The following KSR2 variants were observed in gnomAD, a reference collection of about 807,000 sequenced individuals.
The protein encoded by KSR2 is kinase suppressor of ras 2.
In KSR2, 25 loss-of-function variants were observed where a neutral mutation model predicts 107.8. The ratio of observed to expected loss-of-function variants is 0.23; its 90% CI spans 0.17 to 0.32. The LOEUF is 0.32. KSR2 is among the 10% of genes least tolerant of loss of function. The probability of loss-of-function intolerance (pLI) is 1.00; values close to 1 mark genes in which losing one functional copy is unlikely to be tolerated. For missense variants in KSR2, 887 were observed against 1,268.9 expected, an observed-to-expected ratio of 0.70 and a Z score of 4.57; for synonymous variants, 480 against 507.0, an observed-to-expected ratio of 0.95 and a Z score of 0.71.
Position 117,846,292 on chromosome 12 carries a change from A to ATT in KSR2, c.472+9134_472+9135dup, listed in dbSNP as rs35755364. Among the ~76,000 whole-genome samples the ATT allele has an allele frequency of 5.8e-3, 743 of 127,496 alleles. 11 individuals are homozygous for ATT. The highest frequency in any genetic ancestry group is 0.018 in the African/African-American group (612 of 33,736). 83.6% of individuals were successfully genotyped at this position (127,496 alleles called of 152,430 possible). ...CTTGCATAAAACCTATTACCATTTG[A>ATT]TTTTTTTTTTTTTTTTTTTGAGACA... On this transcript the variant is annotated intron_variant, in intron 3 of 19. Coordinates refer to ENST00000339824, the MANE Select transcript of KSR2 (RefSeq NM_173598.6).
chr12:117,757,932 T>TA (rs909040219), intron 4 of KSR2, among the ~76,000 whole-genome samples: 4 of 152,180 alleles, frequency 2.6e-5, no homozygotes, highest in African/African-American at 9.7e-5. Flanking sequence ...TGCCTGTACT[T>TA]ACTGAAAACA....
intron 4 of KSR2, among the ~76,000 whole-genome samples, chr12:117,669,836 C>T (rs553085484): frequency 2.6e-5 from 4 of 151,916 alleles, no homozygotes; most frequent in African/African-American, 9.7e-5. Context: ...CCACTGCACT[C>T]CAGCCTGGGT....
intron 3 of KSR2, among the ~76,000 whole-genome samples, chr12:117,794,595 A>G (rs200451618): frequency 0.02 from 3,005 of 150,166 alleles, 30 homozygotes; most frequent in East Asian, 0.029. Flanking sequence ...CAACATGCAC[A>G]CTCACACCAA....
chr12:117,516,300 C>T (rs1191529558), intron 14 of KSR2, among the ~76,000 whole-genome samples: 2 of 152,144 alleles, frequency 1.3e-5, no homozygotes, highest in Non-Finnish European at 2.9e-5. Flanking sequence ...CTCGAGATCT[C>T]CCTCTGGATG....
chr12:117,830,573 A>C (rs951104778), intron 3 of KSR2, among the ~76,000 whole-genome samples: 1 of 152,160 alleles, frequency 6.6e-6, no homozygotes, highest in Non-Finnish European at 1.5e-5. Flanking sequence ...GAAAAGGAAC[A>C]CTGAAAAGGA....
At chr12:117,767,839 GA>G (rs1889298816) in intron 3 of KSR2, among the ~76,000 whole-genome samples, 1 of 151,532 alleles carries the variant, frequency 6.6e-6, no homozygotes, top group African/African-American at 2.4e-5. Flanking sequence ...GTGAAGGGAG[GA>G]CTTCCCAGGG....
chr12:117,838,430 G>A (rs976114246), intron 3 of KSR2, among the ~76,000 whole-genome samples: 4 of 152,204 alleles, frequency 2.6e-5, no homozygotes, highest in African/African-American at 9.6e-5. Context: ...GCCTCCCAAA[G>A]TGCTGGGATT....
chr12:117,595,642 C>T (rs1322384542), intron 5 of KSR2, among the ~76,000 whole-genome samples: 2 of 152,182 alleles, frequency 1.3e-5, no homozygotes, highest in African/African-American at 2.4e-5. Flanking sequence ...GGATTACAGG[C>T]GTGAGCCACC....
intron 9 of KSR2, among the ~76,000 whole-genome samples, chr12:117,550,367 G>A (rs570887945): frequency 7.2e-5 from 11 of 152,286 alleles, no homozygotes; most frequent in East Asian, 1.9e-4. Context: ...TGGACATGGC[G>A]GTGATGGTCA....
rs148157559 is a variant in KSR2, at chr12:117,957,864, C to A, written c.180+10212G>T. ...TTTTTTTTTTTTAAACTGAGTCTCA[C>A]TCTGTTGCCCAGGCTGGAGTACAGT... On this transcript the variant is annotated intron_variant, in intron 1 of 19. Transcript: ENST00000339824. Among the ~76,000 whole-genome samples, 484 of 148,682 alleles carry A rather than the reference C, an allele frequency of 3.3e-3. 2 individuals are homozygous for A. The highest frequency in any genetic ancestry group is 0.012 in the African/African-American group (464 of 40,302).
chr12:117,843,929 CT>C (rs58326707), intron 3 of KSR2, among the ~76,000 whole-genome samples: 2,805 of 127,492 alleles, frequency 0.022, 21 homozygotes, highest in African/African-American at 0.025. Context: ...TTAAGCTTCC[CT>C]TTTTTTTTTT....
At chr12:117,681,803 C>T (rs1472841311) in intron 4 of KSR2, among the ~76,000 whole-genome samples, 2 of 152,116 alleles carry the variant, frequency 1.3e-5, no homozygotes, top group South Asian at 2.1e-4. Context: ...AATAGAAACA[C>T]TTTTACACTA....
intron 5 of KSR2, among the ~76,000 whole-genome samples, chr12:117,621,144 G>A (rs1882175492): frequency 6.6e-6 from 1 of 152,092 alleles, no homozygotes; most frequent in African/African-American, 2.4e-5. Flanking sequence ...GATAGCAAAT[G>A]AATTCTCATG....
chr12:117,807,266 A>G (rs920514878), intron 3 of KSR2, among the ~76,000 whole-genome samples: 3 of 152,192 alleles, frequency 2.0e-5, no homozygotes, highest in African/African-American at 7.2e-5. Flanking sequence ...CCACCTCCAA[A>G]TTCCACCAAC....
intron 4 of KSR2, 114 bp from the exon 5 acceptor site, chr12:117,667,772 A>G: frequency 1.2e-6 from 1 of 851,358 alleles, no homozygotes; most frequent in Non-Finnish European, 1.8e-6. Flanking sequence ...CACAGGGAGA[A>G]ATTAGAAGAG....
chr12:117,762,940 G>T (rs893831140), intron 3 of KSR2, among the ~76,000 whole-genome samples: 1 of 151,730 alleles, frequency 6.6e-6, no homozygotes, highest in Non-Finnish European at 1.5e-5. Context: ...TGCACAATGT[G>T]CAGGTTAGTT....
intron 4 of KSR2, among the ~76,000 whole-genome samples, chr12:117,750,912 G>A (rs543024289): frequency 6.6e-6 from 1 of 152,320 alleles, no homozygotes; most frequent in East Asian, 1.9e-4. Flanking sequence ...CACCATGGAT[G>A]GGGACCTAGA....
chr12:117,646,182 C>A (rs1359357832), intron 5 of KSR2, among the ~76,000 whole-genome samples: 2 of 152,048 alleles, frequency 1.3e-5, no homozygotes, highest in African/African-American at 4.8e-5. Context: ...ACATAATTAT[C>A]CATGATTTTT....
At position 117,938,589 on chromosome 12, in the gene KSR2, C is replaced by CA. The variant is rs201839934; in HGVS notation, c.180+29486dup. 2.6e-3 allele frequency among the ~76,000 whole-genome samples: 347 copies of CA among 131,954 alleles called. 1 individual carries two copies. The highest frequency in any genetic ancestry group is 3.9e-3 in the Middle Eastern group (1 of 258). 86.6% of individuals were successfully genotyped at this position (131,954 alleles called of 152,430 possible). On this transcript the variant is annotated intron_variant, in intron 1 of 19. Coordinates refer to ENST00000339824, the MANE Select transcript of KSR2 (RefSeq NM_173598.6). ...AAATAAATAAATAAATAAATAAAGG[C>CA]AAAAAAAAAAATTAACCGGGCATGG...
Sources: allele counts gnomAD v4.1 joint callset (sites outside exome capture counted in the v4.1 genomes callset), GRCh38; gene constraint gnomAD v4.1.1; transcripts MANE v1.5; gene names NCBI Gene and HGNC (gene_info 2026-07-23, HGNC 2026-07-21).